The following CNTN1 variants were observed in gnomAD, a reference collection of about 807,000 sequenced individuals.
CNTN1 encodes the protein contactin-1.
CNTN1 carries 38 observed loss-of-function variants against 126.4 expected under a neutral mutation model. The observed-to-expected ratio is 0.30, with a 90% confidence interval of 0.23 to 0.39. CNTN1 has a LOEUF of 0.39. Among genes scored for constraint, CNTN1 ranks in the 10% least tolerant of loss-of-function variants. The pLI is 1.00. For synonymous variants in CNTN1, 413 were observed against 422.6 expected (o/e 0.98, Z 0.28); for missense variants, 1,009 against 1,248.4 (o/e 0.81, Z 2.89).
chr12:40,811,056 A>G (rs1941041866), intron 1 of CNTN1, among the ~76,000 whole-genome samples: 1 of 152,102 alleles, frequency 6.6e-6, no homozygotes, highest in Admixed American at 6.6e-5. Flanking sequence ...TGTACATCAA[A>G]TTTCTTTATC....
chr12:40,859,606 T>C (rs1349822322), intron 1 of CNTN1, among the ~76,000 whole-genome samples: 1 of 152,160 alleles, frequency 6.6e-6, no homozygotes. Flanking sequence ...TTGTGTAACC[T>C]AATACAGAGA....
chr12:40,895,189 T>C (rs1343452782), intron 1 of CNTN1, among the ~76,000 whole-genome samples: 1 of 152,210 alleles, frequency 6.6e-6, no homozygotes, highest in Non-Finnish European at 1.5e-5. Flanking sequence ...GGTGCTTTCA[T>C]ATATTATCTT....
chr12:40,961,536 A>C (rs896613111), intron 15 of CNTN1, among the ~76,000 whole-genome samples: 2 of 151,962 alleles, frequency 1.3e-5, no homozygotes, highest in Admixed American at 1.3e-4. Context: ...TAGTTCAGGA[A>C]ATCATAACCT....
intron 1 of CNTN1, among the ~76,000 whole-genome samples, chr12:40,905,994 G>A (rs2136794580): frequency 6.6e-6 from 1 of 152,324 alleles, no homozygotes; most frequent in South Asian, 2.1e-4. Flanking sequence ...AAGAATTGTT[G>A]GCCGGGTGCA....
intron 6 of CNTN1, among the ~76,000 whole-genome samples, chr12:40,925,015 C>T (rs1197743773): frequency 1.3e-5 from 2 of 151,126 alleles, no homozygotes; most frequent in African/African-American, 4.9e-5. Context: ...ATTTTCTTAA[C>T]AAGTTAGTAT....
At chr12:40,961,260 C>T (rs1387587012) in intron 15 of CNTN1, among the ~76,000 whole-genome samples, 1 of 151,856 alleles carries the variant, frequency 6.6e-6, no homozygotes, top group African/African-American at 2.4e-5. Flanking sequence ...ATTCTTCAAA[C>T]TTTATTTCTA....
chr12:40,810,630 T>C (rs936058520), intron 1 of CNTN1, among the ~76,000 whole-genome samples: 5 of 152,130 alleles, frequency 3.3e-5, no homozygotes, highest in African/African-American at 1.2e-4. Flanking sequence ...ATAAGTGAGA[T>C]TACATAGTAT....
chr12:41,002,355 C>T (rs1477472543), intron 17 of CNTN1, among the ~76,000 whole-genome samples: 3 of 151,926 alleles, frequency 2.0e-5, no homozygotes, highest in Non-Finnish European at 4.4e-5. Context: ...TATTCATCTC[C>T]CTAGTTGTCT....
At chr12:40,879,931 T>C (rs1005333017) in intron 1 of CNTN1, among the ~76,000 whole-genome samples, 1 of 152,130 alleles carries the variant, frequency 6.6e-6, no homozygotes, top group Admixed American at 6.6e-5. Context: ...GATTATTGCA[T>C]GCTACATGAA....
At position 40,744,625 on chromosome 12, in the gene CNTN1, A is replaced by C. The variant is rs575887085; in HGVS notation, c.-77+52033A>C. Among the ~76,000 whole-genome samples, 6 of 152,270 alleles carry C rather than the reference A, an allele frequency of 3.9e-5. No homozygotes were observed. In the East Asian group the frequency reaches 1.2e-3, roughly 29 times the overall value. Reference sequence around the variant, plus strand: ...TAGAATACATAGGACTGAAACTTAGAATAGAAGTAGTAGTTAGAAAAGAAA... The same window carrying C: ...TAGAATACATAGGACTGAAACTTAGCATAGAAGTAGTAGTTAGAAAAGAAA... On this transcript the variant is annotated intron_variant, in intron 1 of 23. Coordinates refer to ENST00000551295, the MANE Select transcript of CNTN1 (RefSeq NM_001843.4).
chr12:40,933,759 G>A lies in CNTN1; in HGVS notation c.866G>A (p.Ser289Asn). ...LEPMPSTAEI[S>N]TSGAVLKIFN... Reference sequence around the variant, plus strand: ...CCAATGCCAAGCACTGCTGAGATTAGCACCTCTGGGGCTGTTCTTAAGATC... The same window carrying A: ...CCAATGCCAAGCACTGCTGAGATTAACACCTCTGGGGCTGTTCTTAAGATC... Residue 289 changes from serine to asparagine, a missense_variant, in exon 9 of 24, where the codon AGC (serine) becomes AAC (asparagine). Ser to Asn is a conservative substitution (Grantham distance 46, BLOSUM62 1). Coordinates refer to ENST00000551295, the MANE Select transcript of CNTN1 (RefSeq NM_001843.4). 1 of 1,612,874 alleles carries A rather than the reference G, an allele frequency of 6.2e-7. No individual in the cohort carries two copies. Among genetic ancestry groups the A allele is most frequent in the Non-Finnish European group, 8.5e-7 (1 of 1,179,174 alleles).
chr12:40,911,588 T>C (rs1407699909), intron 3 of CNTN1, among the ~76,000 whole-genome samples: 2 of 152,222 alleles, frequency 1.3e-5, no homozygotes, highest in Admixed American at 1.3e-4. Flanking sequence ...CAACAAAAAC[T>C]GCCTCATTCA....
intron 23 of CNTN1, among the ~76,000 whole-genome samples, chr12:41,058,675 C>A (rs1385028630): frequency 6.6e-6 from 1 of 151,892 alleles, no homozygotes; most frequent in African/African-American, 2.4e-5. Context: ...TAAGGATGAG[C>A]CTTTTCAGAA....
At chr12:41,048,488 A>G (rs1436076413) in intron 23 of CNTN1, among the ~76,000 whole-genome samples, 1 of 152,124 alleles carries the variant, frequency 6.6e-6, no homozygotes, top group Admixed American at 6.6e-5. Flanking sequence ...TGAATGTTCT[A>G]TGTTCCTAAG....
At position 41,006,702 on chromosome 12, in the gene CNTN1, A is replaced by G. The variant is rs540121969; in HGVS notation, c.2114-7526A>G. 2.0e-5 allele frequency among the ~76,000 whole-genome samples: 3 copies of G among 152,374 alleles called. No homozygotes were observed. In the East Asian group the frequency reaches 5.8e-4, roughly 29 times the overall value. Reference sequence around the variant, plus strand: ...TCAGCACTCTAAGGAAGATGTGGCTATTCCAAAATGGGAGGGCATTTGGGG... The same window carrying G: ...TCAGCACTCTAAGGAAGATGTGGCTGTTCCAAAATGGGAGGGCATTTGGGG... On this transcript the variant is annotated intron_variant, in intron 17 of 23. Transcript: ENST00000551295.
At chr12:40,715,634 A>G (rs1565637163) in intron 1 of CNTN1, among the ~76,000 whole-genome samples, 1 of 152,136 alleles carries the variant, frequency 6.6e-6, no homozygotes, top group Non-Finnish European at 1.5e-5. Flanking sequence ...TTTTATTACA[A>G]TCAAGCCTTT....
chr12:41,020,997 A>T (rs1016255672), intron 20 of CNTN1, among the ~76,000 whole-genome samples: 4 of 152,236 alleles, frequency 2.6e-5, no homozygotes, highest in African/African-American at 9.6e-5. Context: ...TGTCTTAGTC[A>T]AGGGAGTAAA....
chr12:40,791,861 T>C (rs1289213227), intron 1 of CNTN1, among the ~76,000 whole-genome samples: 1 of 152,092 alleles, frequency 6.6e-6, no homozygotes, highest in Non-Finnish European at 1.5e-5. Flanking sequence ...GATGTTTATA[T>C]TGATGTAAAT....
At chr12:41,053,009 A>T (rs2121042730) in intron 23 of CNTN1, among the ~76,000 whole-genome samples, 1 of 152,000 alleles carries the variant, frequency 6.6e-6, no homozygotes, top group South Asian at 2.1e-4. Context: ...TAGTAAAATA[A>T]ATGTGCTTAG....
Sources: gnomAD v4.1 joint callset for allele counts (sites outside exome capture counted in the v4.1 genomes callset) on GRCh38, gnomAD v4.1.1 for gene constraint, MANE v1.5 for transcripts, NCBI Gene and HGNC (gene_info 2026-07-23, HGNC 2026-07-21) for gene names.